SPOCK1: variants seen among roughly 807,000 people sequenced by gnomAD.
The protein encoded by SPOCK1 is testican-1.
SPOCK1 carries 23 observed loss-of-function variants against 55.3 expected under a neutral mutation model. The observed-to-expected ratio is 0.42, with a 90% CI of 0.30 to 0.59. The LOEUF (loss-of-function observed/expected upper bound fraction) is 0.59. SPOCK1 is among the 20% of genes least tolerant of loss of function. The probability of loss-of-function intolerance (pLI) is 0.22; values close to 1 mark genes in which losing one functional copy is unlikely to be tolerated. For synonymous variants in SPOCK1, 226 were observed against 221.0 expected (o/e 1.02, Z -0.20); for missense variants, 499 against 552.5 (o/e 0.90, Z 0.97).
At chr5:137,166,388 A>G (rs763325189) in intron 3 of SPOCK1, among the ~76,000 whole-genome samples, 33 of 152,232 alleles carry the variant, frequency 2.2e-4, no homozygotes, top group Non-Finnish European at 3.4e-4. Context: ...GATTTCATCA[A>G]CACCAGACCT....
intron 2 of SPOCK1, among the ~76,000 whole-genome samples, chr5:137,410,101 C>T (rs1310804026): frequency 6.6e-6 from 1 of 152,254 alleles, no homozygotes; most frequent in Non-Finnish European, 1.5e-5. Context: ...CCCTTAGCTT[C>T]ACCACTTCCC....
intron 2 of SPOCK1, among the ~76,000 whole-genome samples, chr5:137,273,649 T>C (rs1022509849): frequency 5.3e-5 from 8 of 152,194 alleles, no homozygotes; most frequent in African/African-American, 9.7e-5. Flanking sequence ...TAGTGATCTA[T>C]ATCATTGCTG....
At chr5:137,392,818 T>C (rs1268761112) in intron 2 of SPOCK1, among the ~76,000 whole-genome samples, 5 of 152,210 alleles carry the variant, frequency 3.3e-5, no homozygotes, top group Admixed American at 2.6e-4. Flanking sequence ...ATTATTCCAA[T>C]ACATAGTGAC....
At chr5:137,140,185 G>A (rs1454456094) in intron 4 of SPOCK1, among the ~76,000 whole-genome samples, 1 of 152,172 alleles carries the variant, frequency 6.6e-6, no homozygotes, top group Non-Finnish European at 1.5e-5. Flanking sequence ...GGACCTCGAA[G>A]AATCATCACA....
At chr5:137,427,707 A>G (rs1472768025) in intron 2 of SPOCK1, among the ~76,000 whole-genome samples, 1 of 152,146 alleles carries the variant, frequency 6.6e-6, no homozygotes, top group African/African-American at 2.4e-5. Flanking sequence ...CAGGAGATCG[A>G]GAACATCCTG....
At chr5:137,037,611 C>T (rs1246012723) in intron 6 of SPOCK1, among the ~76,000 whole-genome samples, 1 of 152,144 alleles carries the variant, frequency 6.6e-6, no homozygotes, top group African/African-American at 2.4e-5. Context: ...CAACTAAGAT[C>T]AGGGAGGAGC....
At chr5:137,190,129 T>C (rs1755151919) in intron 3 of SPOCK1, among the ~76,000 whole-genome samples, 1 of 152,082 alleles carries the variant, frequency 6.6e-6, no homozygotes, top group African/African-American at 2.4e-5. Flanking sequence ...ATTGTTGAAA[T>C]GATCACGAAG....
intron 2 of SPOCK1, among the ~76,000 whole-genome samples, chr5:137,454,712 T>C (rs764887100): frequency 1.3e-5 from 2 of 152,232 alleles, no homozygotes; most frequent in African/African-American, 4.8e-5. Flanking sequence ...ATGAGAATGT[T>C]TTCCCTTAAT....
At chr5:137,030,764 A>T (rs866746878) in intron 6 of SPOCK1, among the ~76,000 whole-genome samples, 5 of 152,234 alleles carry the variant, frequency 3.3e-5, no homozygotes, top group South Asian at 4.1e-4. Flanking sequence ...CCTATCAAAG[A>T]TGTGGACAAA....
At chr5:137,164,635 T>C (rs1754615321) in intron 3 of SPOCK1, among the ~76,000 whole-genome samples, 1 of 152,188 alleles carries the variant, frequency 6.6e-6, no homozygotes, top group Non-Finnish European at 1.5e-5. Context: ...TTCCAGGTCA[T>C]GGCTCTTGGA....
rs116542708 is a variant in SPOCK1 at position 137,435,363 on chromosome 5, A to G, written c.186+63010T>C. 6.9e-3 allele frequency among the ~76,000 whole-genome samples: 1,054 copies of G among 152,334 alleles called. 9 individuals carry two copies. The highest frequency in any genetic ancestry group is 0.01 in the Non-Finnish European group (698 of 68,018). ...ATTGATTTATCTAAAAGTTATACCA[A>G]TCTACATTTCTACCAATGGTATAAT... On this transcript the variant is annotated intron_variant, in intron 2 of 10. Coordinates refer to ENST00000394945, the MANE Select transcript of SPOCK1 (RefSeq NM_004598.4).
Position 137,255,033 on chromosome 5 carries a change from G to A in SPOCK1, c.232+11977C>T, listed in dbSNP as rs550979831. 4.7e-4 allele frequency among the ~76,000 whole-genome samples: 72 copies of A among 152,242 alleles called. 3 individuals carry two copies. Among genetic ancestry groups the A allele is most frequent in the East Asian group, 3.9e-4 (2 of 5,182 alleles). On this transcript the variant is annotated intron_variant, in intron 3 of 10. Transcript: ENST00000394945. ...CATTCTTCCTGATATTGTCAATTTCGTCCATGTATCAAGCCAGGCCTTTAG... is the reference window on the plus strand; with the variant it reads ...CATTCTTCCTGATATTGTCAATTTCATCCATGTATCAAGCCAGGCCTTTAG...
chr5:137,475,428 A>C lies in SPOCK1; in HGVS notation c.186+22945T>G, dbSNP rs1753817903. The stretch of plus-strand genomic sequence containing the variant: ...ACAATGTTTTTGGAAAGTAAGAGGA[A>C]ATGTTTTTCAACAAGGTTCTAGCTA... On this transcript the variant is annotated intron_variant, in intron 2 of 10. Transcript: ENST00000394945. 5.3e-5 allele frequency among the ~76,000 whole-genome samples: 8 copies of C among 152,350 alleles called. No individual in the cohort carries two copies. In the Middle Eastern group the frequency reaches 0.017, roughly 324 times the overall value.
At chr5:137,336,788 C>T (rs1750290538) in intron 2 of SPOCK1, among the ~76,000 whole-genome samples, 1 of 152,234 alleles carries the variant, frequency 6.6e-6, no homozygotes, top group African/African-American at 2.4e-5. Flanking sequence ...ATAGGAAATA[C>T]TTCCCTGGGC....
chr5:137,354,443 TCCTCAGTC>T (rs966027299), intron 2 of SPOCK1, among the ~76,000 whole-genome samples: 3 of 151,890 alleles, frequency 2.0e-5, no homozygotes, highest in Non-Finnish European at 4.4e-5. Flanking sequence ...CCAGGCAGCC[TCCTCAGTC>T]CCTCCCTGGG....
chr5:137,007,252 C>T (rs1372620224), intron 6 of SPOCK1, among the ~76,000 whole-genome samples: 1 of 151,890 alleles, frequency 6.6e-6, no homozygotes, highest in East Asian at 1.9e-4. Flanking sequence ...ATGACTAAAA[C>T]ACCAAAAGCA....
chr5:137,341,480 C>CA (rs1750422283), intron 2 of SPOCK1, among the ~76,000 whole-genome samples: 1 of 152,148 alleles, frequency 6.6e-6, no homozygotes, highest in African/African-American at 2.4e-5. Flanking sequence ...AAAATGATAG[C>CA]AAAAAATAAA....
At chr5:137,066,987 C>CAGAGAGAGAGAGAG (rs753181225) in intron 6 of SPOCK1, among the ~76,000 whole-genome samples, 2 of 139,584 alleles carry the variant, frequency 1.4e-5, no homozygotes, top group African/African-American at 5.3e-5. Context: ...CACACACACA[C>CAGAGAGAGAGAGAG]AGAGAGAGAG....
intron 4 of SPOCK1, among the ~76,000 whole-genome samples, chr5:137,120,811 C>T (rs1441878017): frequency 6.6e-6 from 1 of 152,162 alleles, no homozygotes; most frequent in Admixed American, 6.5e-5. Context: ...TGGACTCACA[C>T]CTGCCCGCCA....
Sources: allele counts gnomAD v4.1 joint callset (sites outside exome capture counted in the v4.1 genomes callset), GRCh38; gene constraint gnomAD v4.1.1; transcripts MANE v1.5; gene names NCBI Gene and HGNC (gene_info 2026-07-23, HGNC 2026-07-21).